Variants in DEPTOR observed in about 807,000 individuals in gnomAD.
The protein encoded by DEPTOR is DEP domain-containing mTOR-interacting protein.
Under a neutral mutation model 41.6 loss-of-function variants are expected in DEPTOR, and 41 were observed. The ratio of observed to expected loss-of-function variants is 0.98; its 90% CI spans 0.77 to 1.28. The LOEUF (loss-of-function observed/expected upper bound fraction) is 1.28, where lower values mean the gene tolerates loss of function less well. DEPTOR is among the 50% of genes most tolerant of loss of function. The pLI, the probability that DEPTOR is intolerant of heterozygous loss-of-function variation, is 0.00. For synonymous variants in DEPTOR, 195 were observed against 192.3 expected, an observed-to-expected ratio of 1.01 and a Z score of -0.12; for missense variants, 514 against 527.9, an observed-to-expected ratio of 0.97 and a Z score of 0.26.
At chr8:120,029,441 G>A (rs1812851583) in intron 8 of DEPTOR, among the ~76,000 whole-genome samples, 1 of 152,016 alleles carries the variant, frequency 6.6e-6, no homozygotes, top group Non-Finnish European at 1.5e-5. Flanking sequence ...TGTCACCCAG[G>A]CTGGAGTACA....
At chr8:119,874,053 C>T (rs1827199992) in intron 1 of DEPTOR, 85 bp downstream of exon 1, 6 of 1,575,914 alleles carry the variant, frequency 3.8e-6, no homozygotes, top group Non-Finnish European at 5.2e-6. Context: ...CGCTCCCTGG[C>T]TCGTGGCTTG....
At chr8:120,015,269 C>CT (rs1812591603) in intron 8 of DEPTOR, among the ~76,000 whole-genome samples, 5 of 152,176 alleles carry the variant, frequency 3.3e-5, no homozygotes, top group Non-Finnish European at 7.3e-5. Context: ...ATAGCTGGTT[C>CT]CATTGTTGTC....
chr8:120,021,205 C>T (rs1021410315), intron 8 of DEPTOR, among the ~76,000 whole-genome samples: 2 of 151,956 alleles, frequency 1.3e-5, no homozygotes, highest in Non-Finnish European at 2.9e-5. Flanking sequence ...TAGTTCGAGA[C>T]CAGCCTGGCC....
intron 4 of DEPTOR, among the ~76,000 whole-genome samples, chr8:119,970,992 A>G (rs559450823): frequency 6.6e-6 from 1 of 152,258 alleles, no homozygotes; most frequent in African/African-American, 2.4e-5. Context: ...GCATTCTGGG[A>G]GGCCAAGGCG....
chr8:119,997,296 G>A (rs1266347329), intron 4 of DEPTOR, among the ~76,000 whole-genome samples: 2 of 152,058 alleles, frequency 1.3e-5, no homozygotes, highest in Admixed American at 1.3e-4. Context: ...ATGTAATGGT[G>A]TGATCACGGC....
intron 3 of DEPTOR, among the ~76,000 whole-genome samples, chr8:119,949,961 C>G (rs374407776): frequency 6.6e-6 from 1 of 152,014 alleles, no homozygotes; most frequent in South Asian, 2.1e-4. Context: ...ATTACAGATG[C>G]GAATCACTGC....
intron 3 of DEPTOR, among the ~76,000 whole-genome samples, chr8:119,959,692 A>C (rs944717283): frequency 5.3e-5 from 8 of 151,744 alleles, no homozygotes; most frequent in Admixed American, 2.6e-4. Context: ...CACCACACCC[A>C]ACCAATTTTT....
chr8:119,963,744 A>C (rs531656747), intron 3 of DEPTOR, among the ~76,000 whole-genome samples: 1 of 152,174 alleles, frequency 6.6e-6, no homozygotes, highest in Non-Finnish European at 1.5e-5. Context: ...TTATAGGCCC[A>C]GTTGGAGCTA....
intron 4 of DEPTOR, among the ~76,000 whole-genome samples, chr8:120,000,121 CG>C (rs1278416863): frequency 6.6e-6 from 1 of 151,934 alleles, no homozygotes; most frequent in Non-Finnish European, 1.5e-5. Flanking sequence ...TACTCTTTGC[CG>C]ATTTTTTTTA....
At chr8:119,874,649 C>A (rs1827209520) in intron 1 of DEPTOR, among the ~76,000 whole-genome samples, 1 of 152,104 alleles carries the variant, frequency 6.6e-6, no homozygotes, top group Non-Finnish European at 1.5e-5. Context: ...TGCCAACTCC[C>A]CGGGCTCGCA....
Position 119,918,219 on chromosome 8 carries a change from C to T in DEPTOR, c.123-10181C>T, listed in dbSNP as rs555103541. Among the ~76,000 whole-genome samples, 6 of 152,050 alleles carry T rather than the reference C, an allele frequency of 3.9e-5. No individual in the cohort carries two copies. The South Asian group carries it at 1.3e-3, about 32-fold the overall frequency. ...TTTCCAAGTCTCTCGTTCCACCTAA[C>T]GAGAAAAACCCACAGGTGTGGAGGG... On this transcript the variant is annotated intron_variant, in intron 1 of 8. Coordinates refer to ENST00000286234, the MANE Select transcript of DEPTOR (RefSeq NM_022783.4).
At chr8:119,983,506 T>G (rs1828793242) in intron 4 of DEPTOR, among the ~76,000 whole-genome samples, 1 of 152,152 alleles carries the variant, frequency 6.6e-6, no homozygotes, top group African/African-American at 2.4e-5. Flanking sequence ...TGCCTTAGCC[T>G]GTTTAGTAGC....
intron 4 of DEPTOR, among the ~76,000 whole-genome samples, chr8:119,975,914 T>C (rs1828692049): frequency 6.8e-6 from 1 of 147,108 alleles, no homozygotes; most frequent in South Asian, 2.3e-4. Flanking sequence ...GGAGTCTCAC[T>C]TTGTTGCCCA....
At chr8:120,013,371 C>T (rs112202845) in intron 8 of DEPTOR, among the ~76,000 whole-genome samples, 95 of 152,112 alleles carry the variant, frequency 6.2e-4, no homozygotes, top group African/African-American at 2.0e-3. Flanking sequence ...ATTTTCTTAC[C>T]GAAAATACTG....
chr8:119,950,582 ATCTTT>A (rs1488868195), intron 3 of DEPTOR, among the ~76,000 whole-genome samples: 2 of 151,580 alleles, frequency 1.3e-5, no homozygotes, highest in Non-Finnish European at 1.5e-5. Context: ...CACCTTGCTA[ATCTTT>A]TCTTTTCTTC....
intron 8 of DEPTOR, among the ~76,000 whole-genome samples, chr8:120,012,938 C>T (rs1212934527): frequency 6.6e-6 from 1 of 151,672 alleles, no homozygotes; most frequent in Non-Finnish European, 1.5e-5. Flanking sequence ...GGGAAGATCA[C>T]CCAAGGTCAG....
chr8:119,991,567 C>T (rs1294140959), intron 4 of DEPTOR, among the ~76,000 whole-genome samples: 1 of 152,176 alleles, frequency 6.6e-6, no homozygotes, highest in Non-Finnish European at 1.5e-5. Flanking sequence ...GTCTGCCTGC[C>T]TCAGCCTCCC....
chr8:119,889,988 G>A (rs746579228), intron 1 of DEPTOR, among the ~76,000 whole-genome samples: 4 of 152,000 alleles, frequency 2.6e-5, no homozygotes, highest in African/African-American at 7.2e-5. Context: ...GTTTTTAGAC[G>A]GAGTCTCACT....
chr8:120,046,455 C>G (rs967778456), intron 8 of DEPTOR, among the ~76,000 whole-genome samples: 5 of 151,900 alleles, frequency 3.3e-5, no homozygotes, highest in African/African-American at 4.8e-5. Flanking sequence ...CTCTTACACT[C>G]TATGGTCTAT....
Sources: gnomAD v4.1 joint callset for allele counts (sites outside exome capture counted in the v4.1 genomes callset) on GRCh38, gnomAD v4.1.1 for gene constraint, MANE v1.5 for transcripts, NCBI Gene and HGNC (gene_info 2026-07-23, HGNC 2026-07-21) for gene names.